NRG3: variants seen among roughly 807,000 people sequenced by gnomAD.
NRG3 encodes neuregulin 3, also known as pro-neuregulin-3, membrane-bound isoform.
In NRG3, 31 loss-of-function variants were observed where a neutral mutation model predicts 66.9. The ratio of observed to expected loss-of-function variants is 0.46; its 90% CI spans 0.35 to 0.63. The LOEUF (loss-of-function observed/expected upper bound fraction) is 0.63. Ranked by LOEUF, NRG3 falls within the 20% of genes least tolerant of loss-of-function variation. The pLI is 0.00. For synonymous variants in NRG3, 393 were observed against 359.4 expected (o/e 1.09, Z -1.06); for missense variants, 910 against 878.9 (o/e 1.04, Z -0.45).
intron 2 of NRG3, among the ~76,000 whole-genome samples, chr10:82,572,470 C>T (rs1590719712): frequency 6.6e-6 from 1 of 151,646 alleles, no homozygotes; most frequent in African/African-American, 2.4e-5. Flanking sequence ...GTGATTTTTG[C>T]AGGCCCTTTG....
intron 3 of NRG3, among the ~76,000 whole-genome samples, chr10:82,802,336 A>G (rs2061076903): frequency 6.6e-6 from 1 of 152,134 alleles, no homozygotes; most frequent in Non-Finnish European, 1.5e-5. Flanking sequence ...GAATGTGCAA[A>G]AGGGTTTGAA....
intron 2 of NRG3, among the ~76,000 whole-genome samples, chr10:82,585,074 G>A (rs2046590939): frequency 6.6e-6 from 1 of 152,022 alleles, no homozygotes; most frequent in Admixed American, 6.5e-5. Flanking sequence ...ATGCGTCGAA[G>A]ACTGCAAATA....
At chr10:82,193,257 C>T (rs1275299632) in intron 1 of NRG3, among the ~76,000 whole-genome samples, 2 of 152,150 alleles carry the variant, frequency 1.3e-5, no homozygotes, top group African/African-American at 4.8e-5. Context: ...ATTCTCCTCC[C>T]TCAGCCTCCT....
At chr10:82,305,031 G>T (rs2080641930) in intron 1 of NRG3, among the ~76,000 whole-genome samples, 1 of 110,996 alleles carries the variant, frequency 9.0e-6, no homozygotes, top group Non-Finnish European at 1.6e-5. Context: ...GTCTCCCTCT[G>T]TCGCCCAGGC....
At chr10:82,504,790 G>A (rs2132383717) in intron 2 of NRG3, among the ~76,000 whole-genome samples, 1 of 152,142 alleles carries the variant, frequency 6.6e-6, no homozygotes, top group East Asian at 1.9e-4. Flanking sequence ...TCTTATTTTG[G>A]AGCGGCTCTT....
chr10:82,353,916 C>A (rs941697178), intron 1 of NRG3, among the ~76,000 whole-genome samples: 1 of 151,926 alleles, frequency 6.6e-6, no homozygotes, highest in African/African-American at 2.4e-5. Context: ...TAATGAAATT[C>A]CATGCTCTTT....
intron 3 of NRG3, among the ~76,000 whole-genome samples, chr10:82,752,954 G>A (rs946127676): frequency 1.3e-4 from 20 of 152,178 alleles, no homozygotes; most frequent in African/African-American, 4.6e-4. Context: ...CAACCCATCT[G>A]TGAATTTGCA....
intron 2 of NRG3, among the ~76,000 whole-genome samples, chr10:82,422,031 T>C (rs372012294): frequency 3.4e-4 from 52 of 152,138 alleles, no homozygotes; most frequent in African/African-American, 1.2e-3. Flanking sequence ...AATGTAATAA[T>C]TTACATGTGA....
At chr10:82,332,382 T>C (rs918263808) in intron 1 of NRG3, among the ~76,000 whole-genome samples, 2 of 152,070 alleles carry the variant, frequency 1.3e-5, no homozygotes, top group African/African-American at 4.8e-5. Flanking sequence ...GAGCGGACAG[T>C]TTCTCCTCTG....
At chr10:82,659,036 G>T (rs956553851) in intron 2 of NRG3, among the ~76,000 whole-genome samples, 1 of 152,168 alleles carries the variant, frequency 6.6e-6, no homozygotes, top group African/African-American at 2.4e-5. Context: ...TTAATGGCTT[G>T]TTCTAGATAG....
intron 1 of NRG3, among the ~76,000 whole-genome samples, chr10:82,063,207 T>G (rs1374369614): frequency 1.3e-5 from 2 of 152,202 alleles, no homozygotes; most frequent in African/African-American, 4.8e-5. Context: ...CATGGCTGTT[T>G]TCTCATTTTT....
intron 2 of NRG3, among the ~76,000 whole-genome samples, chr10:82,444,337 A>G (rs1412450333): frequency 2.0e-5 from 3 of 152,228 alleles, no homozygotes; most frequent in East Asian, 1.9e-4. Flanking sequence ...TCCTGACCTT[A>G]GGTGATCCAC....
At chr10:82,194,673 G>C (rs2074352946) in intron 1 of NRG3, among the ~76,000 whole-genome samples, 2 of 152,174 alleles carry the variant, frequency 1.3e-5, no homozygotes. Context: ...CAACTGCTGT[G>C]AGAGGGCACC....
At chr10:82,540,960 A>G (rs1029519675) in intron 2 of NRG3, among the ~76,000 whole-genome samples, 4 of 152,108 alleles carry the variant, frequency 2.6e-5, no homozygotes, top group African/African-American at 9.7e-5. Flanking sequence ...ATCCAATATG[A>G]CTGATGTCCT....
chr10:82,305,821 T>A (rs1021507907), intron 1 of NRG3, among the ~76,000 whole-genome samples: 1 of 152,184 alleles, frequency 6.6e-6, no homozygotes. Context: ...TCCTCCTCCT[T>A]AATTTTTTTG....
chr10:82,334,910 C>T (rs1340803273), intron 1 of NRG3, among the ~76,000 whole-genome samples: 2 of 152,206 alleles, frequency 1.3e-5, no homozygotes, highest in African/African-American at 2.4e-5. Context: ...TCACAGCTCT[C>T]AGGAGGTGCC....
At chr10:82,507,684 T>C (rs1405805074) in intron 2 of NRG3, among the ~76,000 whole-genome samples, 7 of 152,084 alleles carry the variant, frequency 4.6e-5, no homozygotes, top group Admixed American at 4.6e-4. Context: ...CTGGAGAAGG[T>C]AGTGACCTCA....
At chr10:82,944,899 G>C (rs550063933) in intron 4 of NRG3, among the ~76,000 whole-genome samples, 2 of 152,250 alleles carry the variant, frequency 1.3e-5, no homozygotes, top group African/African-American at 2.4e-5. Context: ...AAGGAAAATA[G>C]GTCCTAGAAT....
intron 1 of NRG3, among the ~76,000 whole-genome samples, chr10:82,230,822 T>G (rs1428567163): frequency 1.3e-5 from 2 of 152,162 alleles, no homozygotes; most frequent in Non-Finnish European, 2.9e-5. Context: ...GGTATGCATA[T>G]GGTGAATTCT....
Sources: gnomAD v4.1 joint callset for allele counts (sites outside exome capture counted in the v4.1 genomes callset) on GRCh38, gnomAD v4.1.1 for gene constraint, MANE v1.5 for transcripts, NCBI Gene and HGNC (gene_info 2026-07-23, HGNC 2026-07-21) for gene names.